Variants in LGALSL observed in about 807,000 individuals in gnomAD.
LGALSL encodes the protein galectin like, also known as galectin-related protein.
Under a neutral mutation model 19.5 loss-of-function variants are expected in LGALSL, and 13 were observed. The ratio of observed to expected loss-of-function variants is 0.67; its 90% CI spans 0.43 to 1.06. LGALSL has a LOEUF of 1.06. LGALSL is among the 50% of genes least tolerant of loss of function. The pLI is 0.00. For missense variants in LGALSL, 189 were observed against 219.3 expected (o/e 0.86, Z 0.87); for synonymous variants, 86 against 78.3 (o/e 1.10, Z -0.52).
Position 64,454,578 on chromosome 2 carries a change from G to T in LGALSL, c.33G>T (p.Val11=). The T allele has an allele frequency of 6.9e-7, 1 of 1,450,856 alleles. No homozygotes were observed. Among genetic ancestry groups the T allele is most frequent in the South Asian group, 1.4e-5 (1 of 72,984 alleles). The allele number at this position is 1,450,856 out of a possible 1,614,324, so 89.9% of individuals were successfully genotyped here. MAGSVADSDA[V]VKLDDGHLNN... is the part of the protein sequence containing the mutation. ...GATCAGTGGCCGACAGCGATGCCGT[G>T]GTGGTGAGTGTGGCAGGGCGCGCGC... Residue 11 remains valine, a synonymous_variant, in exon 1 of 5, where the codon GTG becomes GTT. Transcript: ENST00000238875. This position sits in a 1 kb window ranked among gnomAD's most constrained non-coding sequence, Gnocchi z 5.1.
Position 64,454,575 on chromosome 2 carries a change from C to T in LGALSL, c.30C>T (p.Ala10=), listed in dbSNP as rs537470888. ...CGGGATCAGTGGCCGACAGCGATGCCGTGGTGGTGAGTGTGGCAGGGCGCG... is the reference window on the plus strand; with the variant it reads ...CGGGATCAGTGGCCGACAGCGATGCTGTGGTGGTGAGTGTGGCAGGGCGCG... MAGSVADSD[A]VVKLDDGHLN... The change falls in exon 1 of 5, where the codon GCC becomes GCT. Residue 10 remains alanine (A), a synonymous_variant. Transcript: ENST00000238875. The surrounding 1 kb of genome is among the most constrained non-coding windows in gnomAD (Gnocchi z 5.1). 8 of 1,451,180 alleles carry T rather than the reference C, an allele frequency of 5.5e-6. No homozygotes were observed. The highest frequency in any genetic ancestry group is 1.4e-5 in the South Asian group (1 of 73,096). 89.9% of individuals were successfully genotyped at this position (1,451,180 alleles called of 1,614,324 possible).
chr2:64,456,659 A>G (rs1402283126), intron 4 of LGALSL, among the ~76,000 whole-genome samples, 194 bp downstream of exon 4: 3 of 152,210 alleles, frequency 2.0e-5, no homozygotes, highest in South Asian at 2.1e-4. Flanking sequence ...GTATCTTCTT[A>G]GTTCTATTCA....
In LGALSL at chr2:64,454,705, G is replaced by A. The variant is rs1378945432; in HGVS notation, c.36+124G>A. 2 of 607,562 alleles carry A rather than the reference G, an allele frequency of 3.3e-6. No individual in the cohort carries two copies. The highest frequency in any genetic ancestry group is 4.7e-6 in the Non-Finnish European group (2 of 429,662). The allele number at this position is 607,562 out of a possible 1,614,324, so 37.6% of individuals were successfully genotyped here. ...CCGGCCGGCGCCCGGCGCGTGGGAA[G>A]GCGCCCGGTACCTGTTAGCAGCCGC... is the stretch of plus-strand genomic sequence containing the variant. On this transcript the variant is annotated intron_variant, in intron 1 of 4. Coordinates refer to ENST00000238875, the MANE Select transcript of LGALSL (RefSeq NM_014181.3). This position sits in a 1 kb window ranked among gnomAD's most constrained non-coding sequence, Gnocchi z 5.1.
Position 64,455,390 on chromosome 2 carries a change from A to C in LGALSL, c.83A>C (p.Gln28Pro), listed in dbSNP as rs1377627908. Reference sequence around the variant, plus strand: ...AACAACTCTTTGAGCTCTCCAGTTCAAGCGGACGTGTACTTCCCACGACTG... The same window carrying C: ...AACAACTCTTTGAGCTCTCCAGTTCCAGCGGACGTGTACTTCCCACGACTG... Reference protein sequence around the residue: ...HLNNSLSSPVQADVYFPRLIV... With the variant: ...HLNNSLSSPVPADVYFPRLIV... The change falls in exon 2 of 5, where the codon CAA becomes CCA. Residue 28 changes from glutamine (Q) to proline (P), a missense_variant. Physicochemically the swap from Gln to Pro is moderately conservative, Grantham distance 76. Coordinates refer to ENST00000238875, the MANE Select transcript of LGALSL (RefSeq NM_014181.3). 6 of 1,613,704 alleles carry C rather than the reference A, an allele frequency of 3.7e-6. No individual in the cohort carries two copies.
chr2:64,455,813 T>G (rs1686725708), intron 3 of LGALSL, 136 bp downstream of exon 3: 1 of 692,166 alleles, frequency 1.4e-6, no homozygotes, highest in Non-Finnish European at 2.6e-6. Context: ...AGTACCATGT[T>G]CCCATGAAAC....
Position 64,458,303 on chromosome 2 carries a change from C to T in LGALSL, c.394C>T (p.His132Tyr), listed in dbSNP as rs765894738. Reference sequence around the variant, plus strand: ...CTTCCAGGTGGAAATTCTTTGTGAGCACCCACGTTTCCGAGTGTTTGTGGA... The same window carrying T: ...CTTCCAGGTGGAAATTCTTTGTGAGTACCCACGTTTCCGAGTGTTTGTGGA... Reference protein sequence around the residue: ...QPFRVEILCEHPRFRVFVDGH... With the variant: ...QPFRVEILCEYPRFRVFVDGH... The change falls in exon 5 of 5, where the codon CAC (histidine) becomes TAC (tyrosine). Residue 132 changes from histidine (H) to tyrosine (Y), a missense_variant. His to Tyr is a moderately conservative substitution (Grantham distance 83). Transcript: ENST00000238875. 1.2e-6 allele frequency: 2 copies of T among 1,613,700 alleles called. No homozygotes were observed. Among genetic ancestry groups the T allele is most frequent in the Non-Finnish European group, 1.7e-6 (2 of 1,179,786 alleles).
rs541985422 is a variant in LGALSL, at chr2:64,461,138, G to A, written c.*2710G>A. 6.6e-6 allele frequency: 1 copy of A among 152,276 alleles called. No homozygotes were observed. The highest frequency in any genetic ancestry group is 2.1e-4 in the South Asian group (1 of 4,820). 9.4% of individuals were successfully genotyped at this position (152,276 alleles called of 1,614,324 possible). A position where few individuals can be genotyped will look rare whatever the true frequency, so the allele number is the denominator to read the frequency against. On this transcript the variant is annotated 3_prime_UTR_variant, in exon 5 of 5. Coordinates refer to ENST00000238875, the MANE Select transcript of LGALSL (RefSeq NM_014181.3). ...TTTAGAATTGAGGATTTGTTAAAATGGCAAGTCATTTCATTTGTGTTAAAA... is the reference window on the plus strand; with the variant it reads ...TTTAGAATTGAGGATTTGTTAAAATAGCAAGTCATTTCATTTGTGTTAAAA...
intron 3 of LGALSL, 85 bp downstream of exon 3, chr2:64,455,762 C>G (rs951790215): frequency 7.2e-6 from 7 of 972,302 alleles, no homozygotes; most frequent in African/African-American, 1.6e-5. Context: ...ACTCCTCTTC[C>G]TCTCCTTGTG....
Position 64,458,518 on chromosome 2 carries a change from TAAAAAG to T in LGALSL, c.*95_*100del. On this transcript the variant is annotated 3_prime_UTR_variant, in exon 5 of 5. Transcript: ENST00000238875. The stretch of plus-strand genomic sequence containing the variant: ...AGTGTCCTAGCAAGATCTGGAGACT[TAAAAAG>T]AAAACAAAAACAAATGGCAAGTTTC... The T allele has an allele frequency of 2.3e-6, 3 of 1,312,740 alleles. No homozygotes were observed. The highest frequency in any genetic ancestry group is 1.9e-4 in the Middle Eastern group (1 of 5,270). The allele number at this position is 1,312,740 out of a possible 1,614,324, so 81.3% of individuals were successfully genotyped here.
chr2:64,456,275 A>G lies in LGALSL; in HGVS notation c.198-13A>G, dbSNP rs1339614557. ...TATCCAACCCTTAATCAGTGGGATG[A>G]TTTTCTTTTCAGCTTTGCAATCAGC... On this transcript the variant is annotated splice_polypyrimidine_tract_variant and intron_variant, in intron 3 of 4. Coordinates refer to ENST00000238875, the MANE Select transcript of LGALSL (RefSeq NM_014181.3). 18 of 1,608,452 alleles carry G rather than the reference A, an allele frequency of 1.1e-5. No homozygotes were observed. Among genetic ancestry groups the G allele is most frequent in the Non-Finnish European group, 8.5e-7 (1 of 1,177,810 alleles).
chr2:64,459,730 AGGTGTTACCCTGCACTTAC>A lies in LGALSL; in HGVS notation c.*1305_*1323del, dbSNP rs1686788394. On this transcript the variant is annotated 3_prime_UTR_variant, in exon 5 of 5. Transcript: ENST00000238875. ...GAGTGAATGCTTCCAATTAAGCTGTAGGTGTTACCCTGCACTTACGGAACTGATCAAACAGGTGACTCCA... is the reference window on the plus strand; with the variant it reads ...GAGTGAATGCTTCCAATTAAGCTGTAGGAACTGATCAAACAGGTGACTCCA... 1 of 152,220 alleles carries A rather than the reference AGGTGTTACCCTGCACTTAC, an allele frequency of 6.6e-6. No individual in the cohort carries two copies. The highest frequency in any genetic ancestry group is 1.5e-5 in the Non-Finnish European group (1 of 68,048). 9.4% of individuals were successfully genotyped at this position (152,220 alleles called of 1,614,324 possible).
chr2:64,454,621 C>A lies in LGALSL; in HGVS notation c.36+40C>A. The stretch of plus-strand genomic sequence containing the variant: ...GCGCGCGCGAGGCGCCCCTCCCCGC[C>A]GTCCCGCACTCCGCCGCCGCCTGCT... On this transcript the variant is annotated intron_variant, in intron 1 of 4. Transcript: ENST00000238875. This position sits in a 1 kb window ranked among gnomAD's most constrained non-coding sequence, Gnocchi z 5.1. 1 of 1,342,194 alleles carries A rather than the reference C, an allele frequency of 7.5e-7. No individual in the cohort carries two copies. The highest frequency in any genetic ancestry group is 9.6e-7 in the Non-Finnish European group (1 of 1,038,716). The allele number at this position is 1,342,194 out of a possible 1,614,324, so 83.1% of individuals were successfully genotyped here.
intron 1 of LGALSL, among the ~76,000 whole-genome samples, 185 bp from the exon 2 acceptor site, chr2:64,455,159 C>T (rs1345757295): frequency 1.3e-5 from 2 of 152,096 alleles, no homozygotes; most frequent in Non-Finnish European, 2.9e-5. Context: ...GCTTAACTAC[C>T]GGGTGGAAAG....
intron 1 of LGALSL, 77 bp from the exon 2 acceptor site, chr2:64,455,267 C>T (rs1004743500): frequency 1.1e-6 from 1 of 922,860 alleles, no homozygotes; most frequent in Admixed American, 1.7e-5. Context: ...TGGATTCCAC[C>T]ACATCTGTGT....
At chr2:64,455,742 G>A (rs1686724988) in intron 3 of LGALSL, 65 bp downstream of exon 3, 2 of 1,210,766 alleles carry the variant, frequency 1.7e-6, no homozygotes, top group Middle Eastern at 1.9e-4. Context: ...CACTTCTGTT[G>A]TGGTTTAGCA....
In LGALSL at chr2:64,460,200, A is replaced by C. The variant is rs1442941002; in HGVS notation, c.*1772A>C. ...GTTTAGCACAGTTCCATTGTATTAT[A>C]TAAGAAGACACTGTATCCAACAAGA... On this transcript the variant is annotated 3_prime_UTR_variant, in exon 5 of 5. Transcript: ENST00000238875. 2 of 152,208 alleles carry C rather than the reference A, an allele frequency of 1.3e-5. No homozygotes were observed. Among genetic ancestry groups the C allele is most frequent in the African/African-American group, 2.4e-5 (1 of 41,452 alleles). 9.4% of individuals were successfully genotyped at this position (152,208 alleles called of 1,614,324 possible).
At position 64,459,777 on chromosome 2, in the gene LGALSL, A is replaced by G. The variant is rs1376886679; in HGVS notation, c.*1349A>G. 2 of 152,206 alleles carry G rather than the reference A, an allele frequency of 1.3e-5. No homozygotes were observed. Among genetic ancestry groups the G allele is most frequent in the African/African-American group, 4.8e-5 (2 of 41,458 alleles). The allele number at this position is 152,206 out of a possible 1,614,324, so 9.4% of individuals were successfully genotyped here. On this transcript the variant is annotated 3_prime_UTR_variant, in exon 5 of 5. Transcript: ENST00000238875. ...AACTGATCAAACAGGTGACTCCAACAGGAGGTTGCAGTACTGTAAACGTCA... is the reference window on the plus strand; with the variant it reads ...AACTGATCAAACAGGTGACTCCAACGGGAGGTTGCAGTACTGTAAACGTCA...
In LGALSL at chr2:64,454,597, C is replaced by T; in HGVS notation, c.36+16C>T. ...TGCCGTGGTGGTGAGTGTGGCAGGG[C>T]GCGCGCGAGGCGCCCCTCCCCGCCG... On this transcript the variant is annotated intron_variant, in intron 1 of 4. Transcript: ENST00000238875. The surrounding 1 kb of genome is among the most constrained non-coding windows in gnomAD (Gnocchi z 5.1). 2 of 1,408,282 alleles carry T rather than the reference C, an allele frequency of 1.4e-6. No homozygotes were observed. The highest frequency in any genetic ancestry group is 1.9e-6 in the Non-Finnish European group (2 of 1,076,212). The allele number at this position is 1,408,282 out of a possible 1,614,324, so 87.2% of individuals were successfully genotyped here.
rs970622173 is a variant in LGALSL, at chr2:64,458,600, G to A, written c.*172G>A. 13 of 574,892 alleles carry A rather than the reference G, an allele frequency of 2.3e-5. No individual in the cohort carries two copies. The highest frequency in any genetic ancestry group is 1.5e-4 in the African/African-American group (8 of 52,580). The allele number at this position is 574,892 out of a possible 1,614,324, so 35.6% of individuals were successfully genotyped here. ...AGAAAGCTGTTGGGACAAAGACACCGAGCCATTATACCCAGAATAAAATAA... is the reference window on the plus strand; with the variant it reads ...AGAAAGCTGTTGGGACAAAGACACCAAGCCATTATACCCAGAATAAAATAA... On this transcript the variant is annotated 3_prime_UTR_variant, in exon 5 of 5. Coordinates refer to ENST00000238875, the MANE Select transcript of LGALSL (RefSeq NM_014181.3).
Sources: gnomAD v4.1 joint callset for allele counts (sites outside exome capture counted in the v4.1 genomes callset) on GRCh38, gnomAD v4.1.1 for gene constraint, Gnocchi (gnomAD v3.1) non-coding constraint, MANE v1.5 for transcripts, NCBI Gene and HGNC (gene_info 2026-07-23, HGNC 2026-07-21) for gene names.